TRIM35: variants seen among roughly 807,000 people sequenced by gnomAD.
TRIM35 encodes tripartite motif containing 35.
TRIM35 carries 37 observed loss-of-function variants against 49.1 expected under a neutral mutation model. That is an observed-to-expected ratio of 0.75 (90% CI 0.58 to 0.99). TRIM35 has a LOEUF of 0.99. TRIM35 is among the 50% of genes least tolerant of loss of function. The probability of loss-of-function intolerance (pLI) is 0.00; values close to 1 mark genes in which losing one functional copy is unlikely to be tolerated. For synonymous variants in TRIM35, 302 were observed against 289.3 expected, an observed-to-expected ratio of 1.04 and a Z score of -0.45; for missense variants, 648 against 702.7, an observed-to-expected ratio of 0.92 and a Z score of 0.88.
intron 2 of TRIM35, 116 bp from the exon 3 acceptor site, chr8:27,294,426 C>T (rs947667486): frequency 2.1e-6 from 2 of 942,904 alleles, no homozygotes; most frequent in Non-Finnish European, 3.1e-6. Flanking sequence ...TGTATAGAAC[C>T]CCTACAGATA....
intron 1 of TRIM35, among the ~76,000 whole-genome samples, chr8:27,303,954 A>C (rs1188331081): frequency 6.6e-6 from 1 of 152,228 alleles, no homozygotes; most frequent in Admixed American, 6.5e-5. Flanking sequence ...TCGGCATCCC[A>C]AAATGCTGGG....
At chr8:27,304,314 G>C (rs1029863192) in intron 1 of TRIM35, among the ~76,000 whole-genome samples, 1 of 152,238 alleles carries the variant, frequency 6.6e-6, no homozygotes, top group Non-Finnish European at 1.5e-5. Context: ...TGTGAAACCA[G>C]CTCTGTCTGG....
At position 27,287,695 on chromosome 8, in the gene TRIM35, C is replaced by T. The variant is rs765088471; in HGVS notation, c.1337G>A (p.Arg446His). 1.4e-5 allele frequency: 23 copies of T among 1,609,538 alleles called. No individual in the cohort carries two copies. Among genetic ancestry groups the T allele is most frequent in the East Asian group, 4.5e-5 (2 of 44,728 alleles). Residue 446 changes from arginine (R) to histidine (H), a missense_variant, in exon 6 of 6, where the codon CGC becomes CAC. Arg to His is a conservative substitution (Grantham distance 29). Coordinates refer to ENST00000305364, the MANE Select transcript of TRIM35 (RefSeq NM_171982.5). This position sits in a 1 kb window ranked among gnomAD's most constrained non-coding sequence, Gnocchi z 6.0. ...GTGGAAGGTGTACAGGTGGCAGTGGCGCTCCGCGTCATAGAAAGACAGCTC... is the reference window on the plus strand; with the variant it reads ...GTGGAAGGTGTACAGGTGGCAGTGGTGCTCCGCGTCATAGAAAGACAGCTC... ...EGELSFYDAE[R>H]HCHLYTFHAR... is the part of the protein sequence containing the mutation.
At chr8:27,305,004 A>G (rs1311937560) in intron 1 of TRIM35, 2 of 356,298 alleles carry the variant, frequency 5.6e-6, no homozygotes, top group Admixed American at 4.0e-5. Context: ...TCTACCTAGT[A>G]GCAGGTGATC....
chr8:27,290,181 GAAAAAATAAAAATA>G lies in TRIM35; in HGVS notation c.763-17_763-4del, dbSNP rs1802424159. On this transcript the variant is annotated splice_region_variant and splice_polypyrimidine_tract_variant and intron_variant, in intron 3 of 5. Coordinates refer to ENST00000305364, the MANE Select transcript of TRIM35 (RefSeq NM_171982.5). ...CGGCGTTTTCGGCTCTTGTGTTTCT[GAAAAAATAAAAATA>G]AAAAAATAACACAGAGACACAGATG... 1.9e-6 allele frequency: 3 copies of G among 1,613,634 alleles called. No homozygotes were observed. The highest frequency in any genetic ancestry group is 1.7e-5 in the Admixed American group (1 of 59,958).
chr8:27,306,821 A>AAG (rs1802796336), intron 1 of TRIM35, among the ~76,000 whole-genome samples: 1 of 152,230 alleles, frequency 6.6e-6, no homozygotes, highest in Non-Finnish European at 1.5e-5. Context: ...GGAACAGAGT[A>AAG]ATGGGAGAAT....
chr8:27,301,589 T>C (rs140993709), intron 1 of TRIM35, among the ~76,000 whole-genome samples: 62 of 152,376 alleles, frequency 4.1e-4, no homozygotes, highest in Middle Eastern at 3.4e-3. Context: ...GAATTTATTA[T>C]ATATACACAA....
chr8:27,290,169 T>C lies in TRIM35; in HGVS notation c.772A>G (p.Ser258Gly). 3 of 1,614,086 alleles carry C rather than the reference T, an allele frequency of 1.9e-6. No individual in the cohort carries two copies. Among genetic ancestry groups the C allele is most frequent in the Non-Finnish European group, 1.7e-6 (2 of 1,179,988 alleles). ...TTGGCAACTTACCGGCGTTTTCGGCTCTTGTGTTTCTGAAAAAATAAAAAT... is the reference window on the plus strand; with the variant it reads ...TTGGCAACTTACCGGCGTTTTCGGCCCTTGTGTTTCTGAAAAAATAAAAAT... ...DDVSFLMKHK[S>G]RKRRLFCTME... Residue 258 changes from serine (S) to glycine (G), a missense_variant, in exon 4 of 6, where the codon AGC becomes GGC. By Grantham distance (56) the Ser-to-Gly change is moderately conservative. Transcript: ENST00000305364.
chr8:27,294,734 G>A (rs2130278634), intron 2 of TRIM35, among the ~76,000 whole-genome samples: 1 of 152,168 alleles, frequency 6.6e-6, no homozygotes, highest in East Asian at 1.9e-4. Flanking sequence ...TGATCCAGAG[G>A]CTTTACCAAA....
In TRIM35 at chr8:27,298,323, G is replaced by A. The variant is rs73565911; in HGVS notation, c.531+141C>T. On this transcript the variant is annotated intron_variant, in intron 2 of 5. Coordinates refer to ENST00000305364, the MANE Select transcript of TRIM35 (RefSeq NM_171982.5). ...CACAGTCAGCATCCAGGACGTGGCT[G>A]CACAGGACCATCAGAGGTAAGGCAG... 4.4e-3 allele frequency: 3,197 copies of A among 721,466 alleles called. 56 individuals carry two copies. The highest frequency in any genetic ancestry group is 0.041 in the African/African-American group (2,374 of 58,360). 44.7% of individuals were successfully genotyped at this position (721,466 alleles called of 1,614,324 possible).
chr8:27,300,146 G>C (rs1802653534), intron 1 of TRIM35, among the ~76,000 whole-genome samples: 1 of 152,178 alleles, frequency 6.6e-6, no homozygotes, highest in Non-Finnish European at 1.5e-5. Flanking sequence ...GAGGGACTCA[G>C]GCTCTCAGGC....
rs756439681 is a variant in TRIM35, at chr8:27,290,194, T to TA, written c.763-17dup. 4 of 1,613,036 alleles carry TA rather than the reference T, an allele frequency of 2.5e-6. No homozygotes were observed. In the African/African-American group the frequency reaches 5.3e-5, roughly 22 times the overall value. On this transcript the variant is annotated splice_polypyrimidine_tract_variant and intron_variant, in intron 3 of 5. Coordinates refer to ENST00000305364, the MANE Select transcript of TRIM35 (RefSeq NM_171982.5). ...TCTTGTGTTTCTGAAAAAATAAAAATAAAAAAATAACACAGAGACACAGAT... is the reference window on the plus strand; with the variant it reads ...TCTTGTGTTTCTGAAAAAATAAAAATAAAAAAAATAACACAGAGACACAGAT...
chr8:27,294,115 T>A lies in TRIM35; in HGVS notation c.727A>T (p.Met243Leu), dbSNP rs149727000. The change falls in exon 3 of 6, where the codon ATG (methionine) becomes TTG (leucine). Residue 243 changes from methionine (M) to leucine (L), a missense_variant. Met to Leu is a conservative substitution (Grantham distance 15). Transcript: ENST00000305364. ...GAAACGTCGTCCTCCTTCATCTCCA[T>A]CTGCAGCCGCTCGATCTCATGTGCC... ...VLAHEIERLQ[M>L]EMKEDDVSFL... 5.9e-3 allele frequency: 9,503 copies of A among 1,614,164 alleles called. 35 individuals are homozygous for A. The highest frequency in any genetic ancestry group is 6.6e-3 in the Non-Finnish European group (7,800 of 1,180,032).
intron 3 of TRIM35, among the ~76,000 whole-genome samples, chr8:27,292,053 G>A (rs75472387): frequency 0.013 from 1,934 of 152,248 alleles, 47 homozygotes; most frequent in African/African-American, 0.044. Context: ...TTAAACCACA[G>A]CAACCACCAA....
intron 1 of TRIM35, among the ~76,000 whole-genome samples, chr8:27,305,922 G>A (rs1802775040): frequency 6.6e-6 from 1 of 152,070 alleles, no homozygotes; most frequent in South Asian, 2.1e-4. Flanking sequence ...CTGCACCCTC[G>A]AATGCCTGGC....
chr8:27,294,790 T>G (rs894602743), intron 2 of TRIM35, among the ~76,000 whole-genome samples: 1 of 151,868 alleles, frequency 6.6e-6, no homozygotes, highest in Non-Finnish European at 1.5e-5. Flanking sequence ...TAAAATAATA[T>G]ACACACTCCA....
In TRIM35 at chr8:27,310,783, G is replaced by A. The variant is rs2130352761; in HGVS notation, c.435+18C>T. ...TCCAGACCCGGCTCGGCCGCCTCGTGCAAATCGCTGCTCTTACCCGAAAGT... is the reference window on the plus strand; with the variant it reads ...TCCAGACCCGGCTCGGCCGCCTCGTACAAATCGCTGCTCTTACCCGAAAGT... On this transcript the variant is annotated intron_variant, in intron 1 of 5. Transcript: ENST00000305364. 6.4e-7 allele frequency: 1 copy of A among 1,558,196 alleles called. No individual in the cohort carries two copies. The highest frequency in any genetic ancestry group is 8.7e-7 in the Non-Finnish European group (1 of 1,147,780).
intron 1 of TRIM35, among the ~76,000 whole-genome samples, chr8:27,309,325 A>G (rs1340977028): frequency 6.6e-6 from 1 of 152,110 alleles, no homozygotes; most frequent in Admixed American, 6.5e-5. Flanking sequence ...AGGATCTGTC[A>G]CTTCTGCCAG....
chr8:27,301,412 T>C lies in TRIM35; in HGVS notation c.436-2853A>G, dbSNP rs533880784. 2.0e-5 allele frequency among the ~76,000 whole-genome samples: 3 copies of C among 152,370 alleles called. No individual in the cohort carries two copies. In the South Asian group the frequency reaches 6.2e-4, roughly 32 times the overall value. On this transcript the variant is annotated intron_variant, in intron 1 of 5. Coordinates refer to ENST00000305364, the MANE Select transcript of TRIM35 (RefSeq NM_171982.5). ...GCCACCATATGTGTCTTCACTTTAC[T>C]GCGTAATGCCAAATTGTTTTCCAAA...
Sources: gnomAD v4.1 joint callset for allele counts (sites outside exome capture counted in the v4.1 genomes callset) on GRCh38, gnomAD v4.1.1 for gene constraint, Gnocchi (gnomAD v3.1) non-coding constraint, MANE v1.5 for transcripts, NCBI Gene and HGNC (gene_info 2026-07-23, HGNC 2026-07-21) for gene names.